COL25A1: variants seen among roughly 807,000 people sequenced by gnomAD.
COL25A1 encodes collagen type XXV alpha 1 chain.
COL25A1 carries 103 observed loss-of-function variants against 128.4 expected under a neutral mutation model. The ratio of observed to expected loss-of-function variants is 0.80; its 90% CI spans 0.68 to 0.94. The LOEUF is 0.94. Among genes scored for constraint, COL25A1 ranks in the 40% least tolerant of loss-of-function variants. COL25A1 has a pLI of 0.00. For missense variants in COL25A1, 745 were observed against 840.0 expected (o/e 0.89, Z 1.40); for synonymous variants, 279 against 277.2 (o/e 1.01, Z -0.06).
chr4:109,228,675 T>C (rs1778966333), intron 3 of COL25A1, among the ~76,000 whole-genome samples: 1 of 152,288 alleles, frequency 6.6e-6, no homozygotes, highest in African/African-American at 2.4e-5. Context: ...TCTTAAGCCA[T>C]CAGAGCAGGC....
intron 8 of COL25A1, chr4:108,942,411 C>T: frequency 3.0e-6 from 2 of 669,656 alleles, no homozygotes; most frequent in Non-Finnish European, 5.2e-6. Flanking sequence ...ATACCATAAA[C>T]AAAATTAGAC....
chr4:109,095,565 G>A (rs1765323992), intron 3 of COL25A1, among the ~76,000 whole-genome samples: 1 of 152,138 alleles, frequency 6.6e-6, no homozygotes, highest in African/African-American at 2.4e-5. Flanking sequence ...GGGTCCAAAG[G>A]CTTCATACCA....
intron 3 of COL25A1, among the ~76,000 whole-genome samples, chr4:109,273,467 G>A (rs78166643): frequency 0.021 from 3,201 of 152,176 alleles, 101 homozygotes; most frequent in South Asian, 0.14. Flanking sequence ...TTCAATAATC[G>A]TTAATACACA....
intron 24 of COL25A1, 56 bp downstream of exon 24, chr4:108,859,600 T>A: frequency 1.4e-6 from 2 of 1,468,480 alleles, no homozygotes. Flanking sequence ...ACACATTACA[T>A]GGGTGCTCCT....
At chr4:109,007,237 A>T (rs1756108349) in intron 6 of COL25A1, among the ~76,000 whole-genome samples, 1 of 152,216 alleles carries the variant, frequency 6.6e-6, no homozygotes, top group Non-Finnish European at 1.5e-5. Context: ...ATACAGATGG[A>T]TAGGAGCCTA....
intron 6 of COL25A1, among the ~76,000 whole-genome samples, chr4:109,007,667 A>G (rs1481093032): frequency 1.3e-5 from 2 of 152,234 alleles, no homozygotes; most frequent in African/African-American, 4.8e-5. Flanking sequence ...AGGAAACCAG[A>G]GCAGGTTTCT....
At chr4:109,151,527 T>A (rs1052856206) in intron 3 of COL25A1, among the ~76,000 whole-genome samples, 12 of 152,242 alleles carry the variant, frequency 7.9e-5, no homozygotes, top group Non-Finnish European at 1.2e-4. Context: ...TTAAAAAAAA[T>A]TCTTGATTTT....
intron 3 of COL25A1, among the ~76,000 whole-genome samples, chr4:109,067,366 G>A (rs1022539987): frequency 6.6e-5 from 10 of 152,142 alleles, no homozygotes; most frequent in Non-Finnish European, 1.5e-4. Context: ...ACTCCATTGA[G>A]CACCGGGGTC....
chr4:109,231,025 G>A (rs1391620515), intron 3 of COL25A1, among the ~76,000 whole-genome samples: 1 of 152,060 alleles, frequency 6.6e-6, no homozygotes, highest in Non-Finnish European at 1.5e-5. Flanking sequence ...TGTAGTCCCA[G>A]GTACTCAGGA....
intron 3 of COL25A1, among the ~76,000 whole-genome samples, chr4:109,108,112 G>T (rs879779420): frequency 6.6e-5 from 10 of 152,166 alleles, no homozygotes; most frequent in Admixed American, 6.5e-4. Context: ...CATGTGCCAT[G>T]TTGGTGTGCT....
chr4:108,918,311 C>T, intron 12 of COL25A1, 95 bp from the exon 13 acceptor site: 1 of 838,304 alleles, frequency 1.2e-6, no homozygotes, highest in Non-Finnish European at 1.8e-6. Context: ...CTTGCTAAAA[C>T]ATTTCTAGGA....
intron 13 of COL25A1, among the ~76,000 whole-genome samples, chr4:108,913,248 C>G: frequency 8.4e-6 from 1 of 118,534 alleles, no homozygotes; most frequent in Non-Finnish European, 1.8e-5. Context: ...TGTGTGGTCT[C>G]TGTCTCTAGC....
At chr4:109,250,476 C>T (rs947825475) in intron 3 of COL25A1, among the ~76,000 whole-genome samples, 4 of 151,666 alleles carry the variant, frequency 2.6e-5, no homozygotes, top group Non-Finnish European at 4.4e-5. Context: ...AGATCTACAA[C>T]TGGCAAGCTG....
intron 5 of COL25A1, among the ~76,000 whole-genome samples, chr4:109,037,582 G>A (rs983092858): frequency 4.6e-5 from 7 of 152,302 alleles, no homozygotes; most frequent in East Asian, 3.9e-4. Context: ...TTTCATTCTC[G>A]CATGTGCGGC....
chr4:109,128,267 AG>A lies in COL25A1; in HGVS notation c.368-78089del, dbSNP rs149531100. Among the ~76,000 whole-genome samples the A allele has an allele frequency of 7.4e-3, 1,121 of 152,322 alleles. 8 individuals are homozygous for A. The highest frequency in any genetic ancestry group is 0.026 in the African/African-American group (1,073 of 41,574). ...ATAGACCTTAGATAAGAGGAAGCTG[AG>A]GACTAAACTCTGGCCACCATTCCTT... is the stretch of plus-strand genomic sequence containing the variant. On this transcript the variant is annotated intron_variant, in intron 3 of 37. Coordinates refer to ENST00000399132, the MANE Select transcript of COL25A1 (RefSeq NM_198721.4).
At chr4:109,089,759 A>C (rs10856997) in intron 3 of COL25A1, among the ~76,000 whole-genome samples, 131,304 of 151,998 alleles carry the variant, frequency 0.86, 56,877 homozygotes, top group East Asian at 1. Flanking sequence ...GTATGCAACA[A>C]CATGCCTGGC....
intron 3 of COL25A1, among the ~76,000 whole-genome samples, chr4:109,179,505 G>A (rs1160168016): frequency 2.0e-5 from 3 of 152,170 alleles, no homozygotes; most frequent in Non-Finnish European, 2.9e-5. Context: ...TAGAAACCTT[G>A]TATGTTAGGA....
At position 109,282,359 on chromosome 4, in the gene COL25A1, T is replaced by C. The variant is rs112407405; in HGVS notation, c.367+18224A>G. ...ATTAACAAAGATACTCCTTTGATCT[T>C]AGATAACTACAATGTTTTCCCCTCT... On this transcript the variant is annotated intron_variant, in intron 3 of 37. Coordinates refer to ENST00000399132, the MANE Select transcript of COL25A1 (RefSeq NM_198721.4). Among the ~76,000 whole-genome samples the C allele has an allele frequency of 5.7e-3, 871 of 152,282 alleles. 5 individuals carry two copies. Among genetic ancestry groups the C allele is most frequent in the Non-Finnish European group, 1.0e-2 (678 of 68,010 alleles).
chr4:108,970,905 A>C (rs1167403772), intron 8 of COL25A1, among the ~76,000 whole-genome samples: 2 of 152,200 alleles, frequency 1.3e-5, no homozygotes, highest in Non-Finnish European at 2.9e-5. Context: ...AAGGTTAAAT[A>C]GTATTCCATT....
Sources: allele counts gnomAD v4.1 joint callset (sites outside exome capture counted in the v4.1 genomes callset), GRCh38; gene constraint gnomAD v4.1.1; transcripts MANE v1.5; gene names NCBI Gene and HGNC (gene_info 2026-07-23, HGNC 2026-07-21).